Variants in DNAH2 observed in about 807,000 individuals in gnomAD.
DNAH2 encodes dynein axonemal heavy chain 2.
A neutral mutation model predicts 523.5 loss-of-function variants in DNAH2; 323 were observed. That is an observed-to-expected ratio of 0.62 (90% CI 0.56 to 0.68). The LOEUF (loss-of-function observed/expected upper bound fraction) is 0.68, where lower values mean the gene tolerates loss of function less well. Ranked by LOEUF, DNAH2 falls within the 30% of genes least tolerant of loss-of-function variation. DNAH2 has a pLI of 0.00. For missense variants in DNAH2, 4,907 were observed against 5,701.5 expected (o/e 0.86, Z 4.49); for synonymous variants, 2,093 against 2,177.4 (o/e 0.96, Z 1.08).
rs544484268 is a variant in DNAH2 at position 7,819,918 on chromosome 17, C to T, written c.11015+510C>T. On this transcript the variant is annotated intron_variant, in intron 72 of 85. Coordinates refer to ENST00000572933, the MANE Select transcript of DNAH2 (RefSeq NM_020877.5). ...CTTCAGGGTCCTCATCCTTGGATGGCACCAACACCCACAACCCAGTCACCC... is the reference window on the plus strand; with the variant it reads ...CTTCAGGGTCCTCATCCTTGGATGGTACCAACACCCACAACCCAGTCACCC... Among the ~76,000 whole-genome samples, 82 of 152,304 alleles carry T rather than the reference C, an allele frequency of 5.4e-4. No individual in the cohort carries two copies. In the South Asian group the frequency reaches 0.016, roughly 30 times the overall value.
At chr17:7,725,673 A>T (rs1041657483) in intron 3 of DNAH2, among the ~76,000 whole-genome samples, 7 of 138,648 alleles carry the variant, frequency 5.0e-5, no homozygotes, top group South Asian at 2.5e-4. Flanking sequence ...TGACCCTGTG[A>T]TTCGCCCCCA....
At chr17:7,801,760 C>G in intron 57 of DNAH2, 50 bp downstream of exon 57, 1 of 1,611,820 alleles carries the variant, frequency 6.2e-7, no homozygotes, top group Non-Finnish European at 8.5e-7. Flanking sequence ...TCCCTCTCCC[C>G]CGCCTCTCAT....
intron 7 of DNAH2, among the ~76,000 whole-genome samples, chr17:7,735,499 C>T (rs775389052): frequency 6.6e-6 from 1 of 150,542 alleles, no homozygotes; most frequent in Non-Finnish European, 1.5e-5. Flanking sequence ...AGTGCAGTGG[C>T]ACGATCTCGG....
chr17:7,756,468 G>T (rs1333624278), intron 12 of DNAH2, among the ~76,000 whole-genome samples: 6 of 151,432 alleles, frequency 4.0e-5, no homozygotes, highest in Non-Finnish European at 5.9e-5. Context: ...AGAGATGGGG[G>T]TCTCACTATG....
intron 63 of DNAH2, 121 bp from the exon 64 acceptor site, chr17:7,816,450 A>G (rs1461983217): frequency 8.4e-7 from 1 of 1,184,398 alleles, no homozygotes; most frequent in Non-Finnish European, 1.2e-6. Flanking sequence ...AACTAGGCTC[A>G]AAGAGATTAA....
At chr17:7,767,588 T>C (rs559196953) in intron 22 of DNAH2, among the ~76,000 whole-genome samples, 2 of 149,308 alleles carry the variant, frequency 1.3e-5, no homozygotes, top group South Asian at 4.2e-4. Context: ...TCTCCATATC[T>C]CCGTGCCAAC....
At position 7,776,823 on chromosome 17, in the gene DNAH2, C is replaced by G; in HGVS notation, c.4992C>G (p.Thr1664=). The change falls in exon 32 of 86, where the codon ACC becomes ACG. Residue 1664 remains threonine (T), a synonymous_variant. Transcript: ENST00000572933. The part of the protein sequence containing the change: ...ASQIQWTADV[T]KCLLTAKERA... ...AGATCCAGTGGACGGCTGATGTCACCAAGTGCCTGCTGACAGCGAAGGAGC... is the reference window on the plus strand; with the variant it reads ...AGATCCAGTGGACGGCTGATGTCACGAAGTGCCTGCTGACAGCGAAGGAGC... 6.2e-7 allele frequency: 1 copy of G among 1,613,096 alleles called. No individual in the cohort carries two copies. Among genetic ancestry groups the G allele is most frequent in the Non-Finnish European group, 8.5e-7 (1 of 1,179,392 alleles).
chr17:7,772,517 C>T (rs1031801645), intron 28 of DNAH2, among the ~76,000 whole-genome samples: 4 of 152,142 alleles, frequency 2.6e-5, no homozygotes, highest in Non-Finnish European at 5.9e-5. Context: ...CTCCAGGGGT[C>T]ACTCAGGTTT....
Position 7,770,594 on chromosome 17 carries a change from A to G in DNAH2, c.4136A>G (p.Gln1379Arg). The G allele has an allele frequency of 1.2e-6, 2 of 1,614,132 alleles. No individual in the cohort carries two copies. Among genetic ancestry groups the G allele is most frequent in the South Asian group, 2.2e-5 (2 of 91,084 alleles). Residue 1379 changes from glutamine (Q) to arginine (R), a missense_variant, in exon 26 of 86, where the codon CAG (glutamine) becomes CGG (arginine). Gln to Arg is a conservative substitution (Grantham distance 43). Transcript: ENST00000572933. ...QNIAKTWDVT[Q>R]LDIVPYKDKG... ...ATTGCCAAGACCTGGGATGTGACTC[A>G]GCTCGACATAGTACCCTACAAGGAT...
chr17:7,776,651 C>T, intron 31 of DNAH2, 128 bp from the exon 32 acceptor site: 1 of 664,906 alleles, frequency 1.5e-6, no homozygotes, highest in Non-Finnish European at 2.6e-6. Flanking sequence ...GCCCATGTCC[C>T]ATCCTTCAGA....
chr17:7,789,582 T>TTC lies in DNAH2; in HGVS notation c.6900+1339_6900+1340insCT, dbSNP rs1226545253. On this transcript the variant is annotated intron_variant, in intron 44 of 85. Transcript: ENST00000572933. Reference sequence around the variant, plus strand: ...ACCTATAGGATTGAGGAATACTCTTTTTTTTTTTTTTTGAGATGGAGTCTC... The same window carrying TTC: ...ACCTATAGGATTGAGGAATACTCTTTTCTTTTTTTTTTTTGAGATGGAGTCTC... Among the ~76,000 whole-genome samples the TTC allele has an allele frequency of 5.3e-5, 8 of 150,742 alleles. 1 individual carries two copies. Among genetic ancestry groups the TTC allele is most frequent in the Admixed American group, 4.0e-4 (6 of 15,140 alleles).
intron 77 of DNAH2, among the ~76,000 whole-genome samples, chr17:7,826,582 C>T (rs1329400567): frequency 6.8e-6 from 1 of 147,488 alleles, no homozygotes; most frequent in African/African-American, 2.5e-5. Context: ...CTCTGTCGCC[C>T]AGGCTGGAGC....
At chr17:7,810,866 G>C (rs894412988) in intron 63 of DNAH2, among the ~76,000 whole-genome samples, 1 of 88,890 alleles carries the variant, frequency 1.1e-5, no homozygotes, top group African/African-American at 3.0e-5. Context: ...TCTGAAAAGA[G>C]GCTCAGAGCC....
rs750277337 is a variant in DNAH2 at position 7,786,860 on chromosome 17, G to A, written c.6467-37G>A. 1.4e-5 allele frequency: 22 copies of A among 1,613,676 alleles called. No individual in the cohort carries two copies. Among genetic ancestry groups the A allele is most frequent in the Middle Eastern group, 1.6e-4 (1 of 6,082 alleles). On this transcript the variant is annotated intron_variant, in intron 41 of 85. Transcript: ENST00000572933. This position sits in a 1 kb window ranked among gnomAD's most constrained non-coding sequence, Gnocchi z 7.5. ...CGTGAGCGGAGGGTGCAAGGTGAGC[G>A]GCTCCCCGGTTTCCTCATCACCCAC...
At chr17:7,755,586 A>G (rs1657213134) in intron 12 of DNAH2, among the ~76,000 whole-genome samples, 1 of 152,096 alleles carries the variant, frequency 6.6e-6, no homozygotes, top group South Asian at 2.1e-4. Context: ...GCAGGTTGGG[A>G]GAACTTGAGG....
rs2075796323 is a variant in DNAH2, at chr17:7,754,975, A to G, written c.1905-2116A>G. ...AAATAAGCCTGAGGCAGAAAAAAAA[A>G]AAAAAAGAATAGGCAGCCCAGGAAG... On this transcript the variant is annotated intron_variant, in intron 12 of 85. Transcript: ENST00000572933. The surrounding 1 kb of genome is among the most constrained non-coding windows in gnomAD (Gnocchi z 4.6). 3 of 410,018 alleles carry G rather than the reference A, an allele frequency of 7.3e-6. No individual in the cohort carries two copies. The highest frequency in any genetic ancestry group is 7.9e-5 in the Admixed American group (2 of 25,166). 25.4% of individuals were successfully genotyped at this position (410,018 alleles called of 1,614,324 possible). A position where few individuals can be genotyped will look rare whatever the true frequency, so the allele number is the denominator to read the frequency against.
At chr17:7,753,728 A>C (rs1362148969) in intron 12 of DNAH2, among the ~76,000 whole-genome samples, 1 of 152,212 alleles carries the variant, frequency 6.6e-6, no homozygotes, top group Admixed American at 6.5e-5. Flanking sequence ...TGGGCGGATC[A>C]CCTGAGGTCA....
intron 20 of DNAH2, among the ~76,000 whole-genome samples, chr17:7,765,088 A>G (rs2076125385): frequency 6.6e-6 from 1 of 151,750 alleles, no homozygotes; most frequent in African/African-American, 2.4e-5. Flanking sequence ...GCAAACTCAC[A>G]CCTTGATTTT....
At chr17:7,740,399 C>T in intron 9 of DNAH2, 21 bp from the exon 10 acceptor site, 2 of 1,613,472 alleles carry the variant, frequency 1.2e-6, no homozygotes, top group Non-Finnish European at 8.5e-7. Flanking sequence ...TCAGCTGCCA[C>T]ATGCCTCTCC....
Sources: gnomAD v4.1 joint callset for allele counts (sites outside exome capture counted in the v4.1 genomes callset) on GRCh38, gnomAD v4.1.1 for gene constraint, Gnocchi (gnomAD v3.1) non-coding constraint, MANE v1.5 for transcripts, NCBI Gene and HGNC (gene_info 2026-07-23, HGNC 2026-07-21) for gene names.